The following ZPBP variants were observed in gnomAD, a reference collection of about 807,000 sequenced individuals.
The protein encoded by ZPBP is zona pellucida-binding protein 1.
In ZPBP, 26 loss-of-function variants were observed where a neutral mutation model predicts 44.8. The observed-to-expected ratio is 0.58, with a 90% CI of 0.43 to 0.81. The LOEUF (loss-of-function observed/expected upper bound fraction) is 0.81, where lower values mean the gene tolerates loss of function less well. Among genes scored for constraint, ZPBP ranks in the 30% least tolerant of loss-of-function variants. The probability of loss-of-function intolerance (pLI) is 0.00; values close to 1 mark genes in which losing one functional copy is unlikely to be tolerated. For synonymous variants in ZPBP, 174 were observed against 153.2 expected, an observed-to-expected ratio of 1.14 and a Z score of -1.00; for missense variants, 409 against 434.0, an observed-to-expected ratio of 0.94 and a Z score of 0.51.
chr7:49,999,264 G>GTA lies in ZPBP; in HGVS notation c.784-15746_784-15745insTA, dbSNP rs1797992631. On this transcript the variant is annotated intron_variant, in intron 6 of 7. Transcript: ENST00000046087. The stretch of plus-strand genomic sequence containing the variant: ...TGTCTGTATATATATTTTTATATAT[G>GTA]TGTGTGTATATATATATACTATATA... Among the ~76,000 whole-genome samples the GTA allele has an allele frequency of 2.6e-5, 3 of 114,268 alleles. No homozygotes were observed. In the South Asian group the frequency reaches 7.9e-4, roughly 30 times the overall value. 75.0% of individuals were successfully genotyped at this position (114,268 alleles called of 152,430 possible). A position where few individuals can be genotyped will look rare whatever the true frequency, so the allele number is the denominator to read the frequency against.
At chr7:50,057,804 C>CTGTT (rs1326369457) in intron 4 of ZPBP, among the ~76,000 whole-genome samples, 185 bp downstream of exon 4, 1 of 152,198 alleles carries the variant, frequency 6.6e-6, no homozygotes, top group Non-Finnish European at 1.5e-5. Flanking sequence ...AGACTACGAT[C>CTGTT]TGTTAACCAT....
At chr7:50,030,781 T>C (rs1206613482) in intron 5 of ZPBP, among the ~76,000 whole-genome samples, 1 of 152,186 alleles carries the variant, frequency 6.6e-6, no homozygotes, top group Non-Finnish European at 1.5e-5. Flanking sequence ...TTAACCCGTC[T>C]TATAATTAGA....
At chr7:50,000,902 C>T (rs189590284) in intron 6 of ZPBP, among the ~76,000 whole-genome samples, 2 of 151,942 alleles carry the variant, frequency 1.3e-5, no homozygotes, top group Admixed American at 1.3e-4. Context: ...AAAGATAGGA[C>T]CTTTTAAGAG....
intron 7 of ZPBP, among the ~76,000 whole-genome samples, chr7:49,937,891 A>C (rs981662246): frequency 6.6e-6 from 1 of 152,230 alleles, no homozygotes; most frequent in Non-Finnish European, 1.5e-5. Flanking sequence ...TCATACACTG[A>C]AAGTTTTAAT....
At chr7:49,907,032 G>A (rs1375440496) in intron 1 of ZPBP, among the ~76,000 whole-genome samples, 1 of 152,126 alleles carries the variant, frequency 6.6e-6, no homozygotes. Flanking sequence ...AATGGTGAAG[G>A]CACACAGTGG....
chr7:50,064,517 C>T (rs1801405205), intron 3 of ZPBP, among the ~76,000 whole-genome samples: 1 of 152,168 alleles, frequency 6.6e-6, no homozygotes, highest in African/African-American at 2.4e-5. Context: ...TAGCCTCGAC[C>T]ATAAGAGACA....
chr7:50,047,879 G>C (rs1800466955), intron 4 of ZPBP, among the ~76,000 whole-genome samples: 1 of 152,166 alleles, frequency 6.6e-6, no homozygotes. Context: ...TGGGTGGAGT[G>C]CGCGAGGAAG....
chr7:49,878,714 A>T (rs538883818), intron 2 of ZPBP, among the ~76,000 whole-genome samples: 46 of 152,226 alleles, frequency 3.0e-4, no homozygotes, highest in African/African-American at 4.1e-4. Context: ...ATAATCTTTT[A>T]AAAAATTGCT....
In ZPBP at chr7:49,881,156, C is replaced by G. The variant is rs1332157574; in HGVS notation, n.509+19962G>C. Among the ~76,000 whole-genome samples, 9 of 152,242 alleles carry G rather than the reference C, an allele frequency of 5.9e-5. No homozygotes were observed. The East Asian group carries it at 1.5e-3, about 26-fold the overall frequency. ...TTGACTTGTATTCAGTTGTCCTGAGCCTTCGGGGCTACTAGGCTCAGGAGG... is the reference window on the plus strand; with the variant it reads ...TTGACTTGTATTCAGTTGTCCTGAGGCTTCGGGGCTACTAGGCTCAGGAGG... On this transcript the variant is annotated intron_variant and non_coding_transcript_variant, in intron 2 of 2. Transcript: ENST00000465922.
At position 49,854,644 on chromosome 7, in the gene ZPBP, T is replaced by A. The variant is rs1276352756; in HGVS notation, n.510-4130A>T. On this transcript the variant is annotated intron_variant and non_coding_transcript_variant, in intron 2 of 2. Coordinates refer to the ZPBP transcript ENST00000465922. ...TGTCAGATAAGTAGATTGCAAAATTTTTCTCCCATTCTGTAGGTTGCCTGT... is the reference window on the plus strand; with the variant it reads ...TGTCAGATAAGTAGATTGCAAAATTATTCTCCCATTCTGTAGGTTGCCTGT... 5.9e-5 allele frequency among the ~76,000 whole-genome samples: 9 copies of A among 152,378 alleles called. No individual in the cohort carries two copies. In the South Asian group the frequency reaches 1.7e-3, roughly 28 times the overall value.
intron 1 of ZPBP, among the ~76,000 whole-genome samples, chr7:49,927,115 T>A (rs2128749108): frequency 6.6e-6 from 1 of 152,328 alleles, no homozygotes; most frequent in Non-Finnish European, 1.5e-5. Context: ...AGTGTTGTAG[T>A]CTTCAATTAA....
chr7:49,991,614 A>G (rs1438442189), intron 6 of ZPBP, among the ~76,000 whole-genome samples: 1 of 152,120 alleles, frequency 6.6e-6, no homozygotes, highest in Non-Finnish European at 1.5e-5. Context: ...TGCACTAGAA[A>G]ATCAGGCTCT....
chr7:49,991,345 G>A (rs541928677), intron 6 of ZPBP, among the ~76,000 whole-genome samples: 10 of 152,156 alleles, frequency 6.6e-5, no homozygotes, highest in Non-Finnish European at 1.0e-4. Context: ...CAGCAATAAT[G>A]TGATCTCATA....
chr7:49,887,987 C>T (rs1458151635), intron 2 of ZPBP, among the ~76,000 whole-genome samples: 2 of 146,862 alleles, frequency 1.4e-5, no homozygotes, highest in African/African-American at 5.5e-5. Context: ...ATGCATTGCC[C>T]TTCACAACCA....
intron 7 of ZPBP, among the ~76,000 whole-genome samples, chr7:49,975,326 G>A (rs1028931204): frequency 1.3e-5 from 2 of 152,118 alleles, no homozygotes; most frequent in Non-Finnish European, 1.5e-5. Flanking sequence ...GCCCAGGTCC[G>A]GGAGCAAGTT....
At chr7:49,923,448 A>G (rs952269701) in intron 1 of ZPBP, among the ~76,000 whole-genome samples, 4 of 152,242 alleles carry the variant, frequency 2.6e-5, no homozygotes, top group African/African-American at 9.6e-5. Context: ...CCAATTTAGA[A>G]TTCCATACAT....
intron 7 of ZPBP, among the ~76,000 whole-genome samples, chr7:49,949,018 A>G (rs1007471805): frequency 6.6e-6 from 1 of 152,132 alleles, no homozygotes; most frequent in African/African-American, 2.4e-5. Flanking sequence ...ATAAATTTAA[A>G]TGAGGTAATA....
intron 7 of ZPBP, among the ~76,000 whole-genome samples, chr7:49,946,315 T>A (rs1795102915): frequency 6.6e-6 from 1 of 152,132 alleles, no homozygotes; most frequent in African/African-American, 2.4e-5. Context: ...TTCTTATTGT[T>A]CATTAACATC....
intron 7 of ZPBP, chr7:49,944,173 C>A: frequency 3.2e-6 from 1 of 311,352 alleles, no homozygotes. Context: ...GTAATCATGA[C>A]TGCTTAATCA....
Sources: allele counts gnomAD v4.1 joint callset (sites outside exome capture counted in the v4.1 genomes callset), GRCh38; gene constraint gnomAD v4.1.1; transcripts MANE v1.5; gene names NCBI Gene and HGNC (gene_info 2026-07-23, HGNC 2026-07-21).